The following BTD variants were observed in gnomAD, a reference collection of about 807,000 sequenced individuals.
BTD encodes the protein biocytinase.
BTD carries 13 observed loss-of-function variants against 17.7 expected under a neutral mutation model. The observed-to-expected ratio is 0.74, with a 90% CI of 0.48 to 1.17. The LOEUF (loss-of-function observed/expected upper bound fraction) is 1.17. Among genes scored for constraint, BTD ranks in the 50% most tolerant of loss-of-function variants. The pLI, the probability that BTD is intolerant of heterozygous loss-of-function variation, is 0.00. For synonymous variants in BTD, 240 were observed against 245.2 expected (o/e 0.98, Z 0.20); for missense variants, 674 against 650.4 (o/e 1.04, Z -0.39).
At chr3:15,614,121 C>CTTTTTTTTT (rs1389454960) in intron 1 of BTD, among the ~76,000 whole-genome samples, 2 of 131,726 alleles carry the variant, frequency 1.5e-5, no homozygotes, top group African/African-American at 3.3e-5. Flanking sequence ...CTCTTTCTTT[C>CTTTTTTTTT]TTTCTTTTTT....
chr3:15,688,157 T>C (rs1325293942), intron 3 of BTD, among the ~76,000 whole-genome samples: 1 of 152,232 alleles, frequency 6.6e-6, no homozygotes, highest in Non-Finnish European at 1.5e-5. Context: ...TATTTACCTA[T>C]TGAGAGTGCA....
chr3:15,631,510 C>T, intron 1 of BTD: 2 of 1,523,032 alleles, frequency 1.3e-6, no homozygotes, highest in South Asian at 2.4e-5. Context: ...GGAAAAATCC[C>T]TTGTGTGTAA....
At chr3:15,632,303 C>T (rs1006212083) in intron 1 of BTD, among the ~76,000 whole-genome samples, 2 of 152,216 alleles carry the variant, frequency 1.3e-5, no homozygotes, top group Non-Finnish European at 2.9e-5. Context: ...TCTGTCTTGT[C>T]CACTGTTGGA....
intron 3 of BTD, among the ~76,000 whole-genome samples, chr3:15,691,466 A>G (rs1451776094): frequency 2.0e-5 from 3 of 152,230 alleles, no homozygotes; most frequent in Non-Finnish European, 4.4e-5. Flanking sequence ...GGCTTTCCAG[A>G]AAAGTCTTTT....
At chr3:15,643,966 T>A (rs368275674) in intron 3 of BTD, among the ~76,000 whole-genome samples, 1,435 of 105,314 alleles carry the variant, frequency 0.014, 26 homozygotes, top group African/African-American at 0.043. Context: ...AACTCATTTA[T>A]TTAATTTATT....
intron 3 of BTD, among the ~76,000 whole-genome samples, chr3:15,671,455 C>G (rs1240938508): frequency 6.6e-6 from 1 of 152,136 alleles, no homozygotes; most frequent in Non-Finnish European, 1.5e-5. Context: ...TACCAGCATA[C>G]CAGAAGCCTC....
rs750363004 is a variant in BTD, at chr3:15,644,438, C to G, written c.522C>G (p.Phe174Leu). 1.2e-6 allele frequency: 2 copies of G among 1,614,150 alleles called. No individual in the cohort carries two copies. Among genetic ancestry groups the G allele is most frequent in the Admixed American group, 3.3e-5 (2 of 60,012 alleles). Residue 174 changes from phenylalanine (F) to leucine (L), a missense_variant, in exon 4 of 4, where the codon TTC becomes TTG. Physicochemically the swap from Phe to Leu is conservative, Grantham distance 22 (BLOSUM62 0). Transcript: ENST00000643237. ...GCCCAAAAGATGGGAGATACCAGTT[C>G]AACACAAATGTCGTGTTCAGCAATA... ...PRCPKDGRYQ[F>L]NTNVVFSNNG...
At chr3:15,680,746 G>C (rs2067454586) in intron 3 of BTD, among the ~76,000 whole-genome samples, 1 of 151,520 alleles carries the variant, frequency 6.6e-6, no homozygotes, top group Admixed American at 6.6e-5. Context: ...ACTCTCTGCA[G>C]TCTCAACCTC....
intron 3 of BTD, among the ~76,000 whole-genome samples, chr3:15,683,447 A>G (rs1413068442): frequency 3.9e-5 from 6 of 152,188 alleles, no homozygotes; most frequent in Admixed American, 3.9e-4. Context: ...TACTTGCCTT[A>G]GCGAGTAGAA....
rs77358350 is a variant in BTD at position 15,694,146 on chromosome 3, T to A, written c.400-15914T>A. Among the ~76,000 whole-genome samples, 644 of 152,208 alleles carry A rather than the reference T, an allele frequency of 4.2e-3. 4 individuals carry two copies. Among genetic ancestry groups the A allele is most frequent in the East Asian group, 0.019 (98 of 5,188 alleles). ...AGGATCTACTTGAAATTTAAGGTAA[T>A]AAATTCTCATTTGACTTAAAAAATT... On this transcript the variant is annotated intron_variant, in intron 3 of 3. Transcript: ENST00000672141.
At chr3:15,613,959 A>C (rs894641650) in intron 1 of BTD, among the ~76,000 whole-genome samples, 5 of 151,546 alleles carry the variant, frequency 3.3e-5, no homozygotes, top group Admixed American at 6.6e-5. Context: ...TTCTTCTTCA[A>C]ATATTTCGTG....
At chr3:15,672,171 G>T in intron 3 of BTD, among the ~76,000 whole-genome samples, 1 of 149,620 alleles carries the variant, frequency 6.7e-6, no homozygotes, top group Non-Finnish European at 1.5e-5. Context: ...TTTGAGACAG[G>T]GTCTTGTTCT....
At chr3:15,632,876 A>G (rs1295474697) in intron 1 of BTD, 1 of 152,264 alleles carries the variant, frequency 6.6e-6, no homozygotes, top group Non-Finnish European at 1.5e-5. Flanking sequence ...GGTATGTGTG[A>G]TGCCAAAGAG....
At chr3:15,689,756 C>CT (rs1395775656) in intron 3 of BTD, 2 of 303,584 alleles carry the variant, frequency 6.6e-6, no homozygotes, top group Non-Finnish European at 1.2e-5. Context: ...ATTTTTTGTG[C>CT]TTGGTTTACT....
At chr3:15,688,155 T>C (rs925842938) in intron 3 of BTD, among the ~76,000 whole-genome samples, 2 of 152,264 alleles carry the variant, frequency 1.3e-5, no homozygotes, top group Admixed American at 6.5e-5. Context: ...AATATTTACC[T>C]ATTGAGAGTG....
intron 3 of BTD, chr3:15,676,302 T>C: frequency 4.3e-6 from 1 of 230,258 alleles, no homozygotes. Context: ...GAAATTGCAT[T>C]CCTCCGTTGT....
Position 15,644,378 on chromosome 3 carries a change from G to A in BTD, c.462G>A (p.Gly154=). The part of the protein sequence containing the change: ...RGDMFLVANL[G]TKEPCHSSDP... ...ATATGTTCTTGGTGGCCAATCTTGG[G>A]ACAAAGGAGCCTTGTCATAGCAGTG... Residue 154 remains glycine, a synonymous_variant, in exon 4 of 4, where the codon GGG becomes GGA. Coordinates refer to ENST00000643237, the MANE Select transcript of BTD (RefSeq NM_001370658.1). The A allele has an allele frequency of 1.2e-6, 2 of 1,614,082 alleles. No individual in the cohort carries two copies. Among genetic ancestry groups the A allele is most frequent in the Non-Finnish European group, 1.7e-6 (2 of 1,180,020 alleles).
At chr3:15,709,806 G>A in intron 3 of BTD, 1 of 1,002,002 alleles carries the variant, frequency 1.0e-6, no homozygotes, top group Non-Finnish European at 1.5e-6. Flanking sequence ...TAGGTTTAAA[G>A]AAGCATGAAA....
intron 1 of BTD, among the ~76,000 whole-genome samples, chr3:15,615,323 T>C (rs1461053529): frequency 6.6e-6 from 1 of 152,250 alleles, no homozygotes; most frequent in Middle Eastern, 3.2e-3. Context: ...TTTCCCCTGC[T>C]CAGAGCCCAA....
Sources: gnomAD v4.1 joint callset for allele counts (sites outside exome capture counted in the v4.1 genomes callset) on GRCh38, gnomAD v4.1.1 for gene constraint, MANE v1.5 for transcripts, NCBI Gene and HGNC (gene_info 2026-07-23, HGNC 2026-07-21) for gene names.